Variants in ASH1L observed in about 807,000 individuals in gnomAD.
ASH1L encodes histone-lysine N-methyltransferase ASH1L.
ASH1L carries 23 observed loss-of-function variants against 269.0 expected under a neutral mutation model. The observed-to-expected ratio is 0.09, with a 90% CI of 0.06 to 0.12. The LOEUF (loss-of-function observed/expected upper bound fraction) is 0.12. Among genes scored for constraint, ASH1L ranks in the 10% least tolerant of loss-of-function variants. The probability of loss-of-function intolerance (pLI) is 1.00; values close to 1 mark genes in which losing one functional copy is unlikely to be tolerated. For synonymous variants in ASH1L, 1,187 were observed against 1,253.5 expected (o/e 0.95, Z 1.12); for missense variants, 2,912 against 3,567.8 (o/e 0.82, Z 4.68).
chr1:155,543,727 T>A (rs578017627), intron 1 of ASH1L, among the ~76,000 whole-genome samples: 81 of 150,134 alleles, frequency 5.4e-4, no homozygotes, highest in Middle Eastern at 6.8e-3. Context: ...AGGCCAGGAG[T>A]TCAAGACAAG....
intron 7 of ASH1L, among the ~76,000 whole-genome samples, chr1:155,382,275 G>A (rs2148449945): frequency 6.6e-6 from 1 of 151,926 alleles, no homozygotes; most frequent in East Asian, 1.9e-4. Flanking sequence ...GAGGTGGGCA[G>A]ATCATGAGGT....
chr1:155,513,326 G>A (rs1458608550), intron 2 of ASH1L, among the ~76,000 whole-genome samples: 1 of 151,858 alleles, frequency 6.6e-6, no homozygotes, highest in Non-Finnish European at 1.5e-5. Flanking sequence ...TAGCACTTTG[G>A]GAGGCTGAGA....
At position 155,479,351 on chromosome 1, in the gene ASH1L, G is replaced by C; in HGVS notation, c.3519C>G (p.His1173Gln). 1.9e-6 allele frequency: 3 copies of C among 1,614,184 alleles called. No individual in the cohort carries two copies. The highest frequency in any genetic ancestry group is 2.2e-5 in the East Asian group (1 of 44,878). Residue 1173 changes from histidine (H) to glutamine (Q), a missense_variant, in exon 3 of 28, where the codon CAC (histidine) becomes CAG (glutamine). Coordinates refer to ENST00000392403, the MANE Select transcript of ASH1L (RefSeq NM_018489.3). ...PPTLLPNSPSHLSELTSLKEA... is the reference protein window; with the variant it reads ...PPTLLPNSPSQLSELTSLKEA... ...CTTTTAGAGATGTGAGTTCACTCAA[G>C]TGCGAAGGAGAATTTGGCAACAAAG...
In ASH1L at chr1:155,370,520, A is replaced by G; in HGVS notation, c.6670T>C (p.Cys2224Arg). 6.2e-7 allele frequency: 1 copy of G among 1,613,898 alleles called. No individual in the cohort carries two copies. The highest frequency in any genetic ancestry group is 8.5e-7 in the Non-Finnish European group (1 of 1,180,006). The change falls in exon 12 of 28, where the codon TGT becomes CGT. Residue 2224 changes from cysteine (C) to arginine (R), a missense_variant. This residue lies in a region of ASH1L where 7 missense variants were observed against 42.5 expected (regional missense o/e 0.16). Coordinates refer to ENST00000392403, the MANE Select transcript of ASH1L (RefSeq NM_018489.3). ...RFINHSCDPN[C>R]EMQKWSVNGV... ...CTTCCTTACCATTTCTGCATTTCAC[A>G]ATTTGGGTCACAGCTATGGTTGATG...
chr1:155,529,984 A>T (rs1205376392), intron 1 of ASH1L, among the ~76,000 whole-genome samples: 2 of 148,970 alleles, frequency 1.3e-5, no homozygotes, highest in Non-Finnish European at 3.0e-5. Context: ...AAAAAAAATA[A>T]AAAAAAAAGA....
chr1:155,446,626 CTTTTTTTTT>C (rs34042736), intron 4 of ASH1L, among the ~76,000 whole-genome samples: 1 of 116,844 alleles, frequency 8.6e-6, no homozygotes, highest in Non-Finnish European at 1.8e-5. Context: ...TTTTTTTTTT[CTTTTTTTTT>C]TTTTGAGACG....
chr1:155,442,650 T>G (rs1662695116), intron 4 of ASH1L, among the ~76,000 whole-genome samples: 1 of 151,250 alleles, frequency 6.6e-6, no homozygotes, highest in African/African-American at 2.4e-5. Context: ...CAGCTTCTGC[T>G]TACAACTCTT....
intron 6 of ASH1L, among the ~76,000 whole-genome samples, chr1:155,397,219 G>A (rs146227266): frequency 2.0e-5 from 3 of 151,820 alleles, no homozygotes; most frequent in South Asian, 2.1e-4. Flanking sequence ...ATTGCTGACC[G>A]GACAGGGTGG....
chr1:155,546,189 G>C (rs1670808430), intron 1 of ASH1L, among the ~76,000 whole-genome samples: 1 of 147,280 alleles, frequency 6.8e-6, no homozygotes, highest in Non-Finnish European at 1.5e-5. Context: ...AAATTAGCCA[G>C]GTGTGGTGGC....
intron 4 of ASH1L, among the ~76,000 whole-genome samples, chr1:155,451,197 C>CAA (rs71080705): frequency 2.3e-4 from 19 of 84,144 alleles, no homozygotes; most frequent in African/African-American, 7.4e-4. Flanking sequence ...AACTCCACCT[C>CAA]AAAAAAAAAA....
At chr1:155,341,099 G>GTAGCTAGGAT (rs1652754041) in intron 25 of ASH1L, among the ~76,000 whole-genome samples, 1 of 151,844 alleles carries the variant, frequency 6.6e-6, no homozygotes, top group Admixed American at 6.6e-5. Context: ...AGTCTCCTGA[G>GTAGCTAGGAT]TAGCTAGGAT....
intron 7 of ASH1L, among the ~76,000 whole-genome samples, chr1:155,384,141 T>C (rs1657214824): frequency 6.6e-6 from 1 of 152,230 alleles, no homozygotes. Flanking sequence ...TGTTTTTGCT[T>C]ACTGTATTCT....
chr1:155,450,511 T>C (rs1452745110), intron 4 of ASH1L, among the ~76,000 whole-genome samples: 3 of 152,224 alleles, frequency 2.0e-5, no homozygotes, highest in Non-Finnish European at 2.9e-5. Flanking sequence ...GTACTTCATT[T>C]TGGATAACTA....
intron 1 of ASH1L, among the ~76,000 whole-genome samples, chr1:155,546,052 A>G (rs1460185397): frequency 6.6e-6 from 1 of 150,628 alleles, no homozygotes; most frequent in African/African-American, 2.4e-5. Flanking sequence ...CCAACTACAC[A>G]GGAGCTGAGG....
At chr1:155,342,907 T>G (rs1446491786) in intron 24 of ASH1L, 2 of 157,568 alleles carry the variant, frequency 1.3e-5, no homozygotes, top group East Asian at 3.7e-4. Context: ...TAGAGCTCTC[T>G]GAAGTTTCAT....
intron 5 of ASH1L, among the ~76,000 whole-genome samples, chr1:155,418,320 C>A (rs1434283243): frequency 6.6e-6 from 1 of 151,928 alleles, no homozygotes; most frequent in Non-Finnish European, 1.5e-5. Flanking sequence ...GACTTAACAA[C>A]AACAACAAAA....
chr1:155,461,877 A>T (rs978413953), intron 3 of ASH1L, among the ~76,000 whole-genome samples: 2 of 148,524 alleles, frequency 1.3e-5, no homozygotes, highest in Non-Finnish European at 3.0e-5. Flanking sequence ...TGGCTCACTG[A>T]AACCTCTGCC....
chr1:155,477,770 C>T lies in ASH1L; in HGVS notation c.4984+116G>A, dbSNP rs1467841281. The stretch of plus-strand genomic sequence containing the variant: ...AGGAATACTGAGATTTCAAAATACA[C>T]TTATTAAAAAACAAAAAAAGATATA... On this transcript the variant is annotated intron_variant, in intron 3 of 27. Coordinates refer to ENST00000392403, the MANE Select transcript of ASH1L (RefSeq NM_018489.3). 8.2e-6 allele frequency: 8 copies of T among 971,214 alleles called. 1 individual carries two copies. The highest frequency in any genetic ancestry group is 7.5e-4 in the Middle Eastern group (2 of 2,672). The allele number at this position is 971,214 out of a possible 1,614,324, so 60.2% of individuals were successfully genotyped here.
chr1:155,480,953 G>A lies in ASH1L; in HGVS notation c.1917C>T (p.Thr639=), dbSNP rs1255830378. 6.2e-7 allele frequency: 1 copy of A among 1,613,858 alleles called. No individual in the cohort carries two copies. Among genetic ancestry groups the A allele is most frequent in the South Asian group, 1.1e-5 (1 of 91,042 alleles). The change falls in exon 3 of 28, where the codon ACC becomes ACT. Residue 639 remains threonine, a synonymous_variant. Coordinates refer to ENST00000392403, the MANE Select transcript of ASH1L (RefSeq NM_018489.3). ...IDKEVNDSKT[T]HIDIPRISSS... ...AGCTTATTCTTGGAATATCTATATGGGTAGTTTTTGAATCATTTACCTCTT... is the reference window on the plus strand; with the variant it reads ...AGCTTATTCTTGGAATATCTATATGAGTAGTTTTTGAATCATTTACCTCTT...
Sources: gnomAD v4.1 joint callset for allele counts (sites outside exome capture counted in the v4.1 genomes callset) on GRCh38, gnomAD v4.1.1 for gene constraint, gnomAD v4.1.1 regional missense constraint, MANE v1.5 for transcripts, NCBI Gene and HGNC (gene_info 2026-07-23, HGNC 2026-07-21) for gene names.